Variants in RNF214 observed in about 807,000 individuals in gnomAD.
The protein encoded by RNF214 is ring finger protein 214.
RNF214 carries 25 observed loss-of-function variants against 75.9 expected under a neutral mutation model. The observed-to-expected ratio is 0.33, with a 90% confidence interval of 0.24 to 0.46. RNF214 has a LOEUF of 0.46. RNF214 is among the 20% of genes least tolerant of loss of function. The pLI is 1.00. For synonymous variants in RNF214, 314 were observed against 308.8 expected, an observed-to-expected ratio of 1.02 and a Z score of -0.18; for missense variants, 725 against 857.5, an observed-to-expected ratio of 0.85 and a Z score of 1.93.
chr11:117,279,967 A>G lies in RNF214; in HGVS notation c.1019A>G (p.Asn340Ser). Residue 340 changes from asparagine to serine, a missense_variant, in exon 7 of 15, where the codon AAC (asparagine) becomes AGC (serine). Around this residue, in one of 2 missense-constraint regions of RNF214, gnomAD observed 363 missense variants for 513.0 expected, o/e 0.71. Transcript: ENST00000300650. The stretch of plus-strand genomic sequence containing the variant: ...AATCAGGATGGCGAAATAAATAGGA[A>G]CATTATGGAAGAGACTGAACGGGCC... ...LKNQDGEINR[N>S]IMEETERAWK... 6.2e-7 allele frequency: 1 copy of G among 1,613,612 alleles called. No homozygotes were observed. Among genetic ancestry groups the G allele is most frequent in the Non-Finnish European group, 8.5e-7 (1 of 1,179,846 alleles).
At chr11:117,276,427 T>C (rs1480782519) in intron 6 of RNF214, among the ~76,000 whole-genome samples, 1 of 152,016 alleles carries the variant, frequency 6.6e-6, no homozygotes, top group Non-Finnish European at 1.5e-5. Context: ...TTGGGCAATA[T>C]AGTGGGACTC....
intron 2 of RNF214, among the ~76,000 whole-genome samples, chr11:117,237,790 T>G (rs1457958505): frequency 6.6e-6 from 1 of 152,216 alleles, no homozygotes. Flanking sequence ...GCTTCAATTT[T>G]GGATTCAAAA....
rs767264130 is a variant in RNF214, at chr11:117,283,222, A to C, written c.2046+12A>C. 1 of 1,551,568 alleles carries C rather than the reference A, an allele frequency of 6.4e-7. No individual in the cohort carries two copies. Among genetic ancestry groups the C allele is most frequent in the African/African-American group, 1.4e-5 (1 of 73,456 alleles). ...TATTGCACAAGGAGGTAGGTGTTAC[A>C]GACCTTCCTCATTTTCTACACTTTT... On this transcript the variant is annotated intron_variant, in intron 14 of 14. Coordinates refer to ENST00000300650, the MANE Select transcript of RNF214 (RefSeq NM_207343.4).
In RNF214 at chr11:117,234,513, A is replaced by G. The variant is rs145119749; in HGVS notation, c.107+134A>G. 41 of 595,826 alleles carry G rather than the reference A, an allele frequency of 6.9e-5. No homozygotes were observed. In the East Asian group the frequency reaches 9.0e-4, roughly 13 times the overall value. The allele number at this position is 595,826 out of a possible 1,614,324, so 36.9% of individuals were successfully genotyped here. A position where few individuals can be genotyped will look rare whatever the true frequency, so the allele number is the denominator to read the frequency against. On this transcript the variant is annotated intron_variant, in intron 2 of 14. Coordinates refer to ENST00000300650, the MANE Select transcript of RNF214 (RefSeq NM_207343.4). ...TTAAAGGTACAGGACTGTCTGATCT[A>G]TCTTTGTATTTCTGGTATCCAACAC... is the stretch of plus-strand genomic sequence containing the variant.
chr11:117,262,321 T>G (rs2033684908), intron 6 of RNF214, among the ~76,000 whole-genome samples: 1 of 151,934 alleles, frequency 6.6e-6, no homozygotes, highest in South Asian at 2.1e-4. Context: ...ACTCCTGACT[T>G]GGTGATCTGC....
At chr11:117,265,956 A>G (rs1488090775) in intron 6 of RNF214, among the ~76,000 whole-genome samples, 2 of 152,188 alleles carry the variant, frequency 1.3e-5, no homozygotes, top group African/African-American at 2.4e-5. Flanking sequence ...ACTATAGATT[A>G]CACTTATCTT....
At chr11:117,260,950 G>A (rs375051392) in intron 6 of RNF214, among the ~76,000 whole-genome samples, 1 of 150,572 alleles carries the variant, frequency 6.6e-6, no homozygotes, top group South Asian at 2.1e-4. Flanking sequence ...CACCTCGCCC[G>A]GCCAAGATTT....
intron 6 of RNF214, among the ~76,000 whole-genome samples, chr11:117,249,214 C>T (rs1024029536): frequency 1.7e-4 from 26 of 152,104 alleles, no homozygotes; most frequent in African/African-American, 5.6e-4. Flanking sequence ...TGTGAGCTAC[C>T]GTGCCCAGCC....
chr11:117,245,641 C>T (rs978850763), intron 5 of RNF214, among the ~76,000 whole-genome samples: 4 of 152,098 alleles, frequency 2.6e-5, no homozygotes, highest in African/African-American at 4.8e-5. Context: ...TGCGCCAGAC[C>T]ACTCATAGAC....
intron 6 of RNF214, among the ~76,000 whole-genome samples, chr11:117,273,815 A>G (rs1401526798): frequency 6.6e-6 from 1 of 152,214 alleles, no homozygotes; most frequent in Admixed American, 6.5e-5. Flanking sequence ...TGGAAACTGC[A>G]TTCTTTGGTG....
At position 117,239,837 on chromosome 11, in the gene RNF214, G is replaced by C. The variant is rs760103105; in HGVS notation, c.655G>C (p.Asp219His). 33 of 1,562,334 alleles carry C rather than the reference G, an allele frequency of 2.1e-5. No individual in the cohort carries two copies. The highest frequency in any genetic ancestry group is 1.5e-5 in the Non-Finnish European group (17 of 1,133,382). ...FKTADSEVNT[D>H]QDIEKNLDKM... ...GACAGCTGATTCAGAGGTAAACACA[G>C]ATCAAGATATTGAAAAGAATTTGGT... is the stretch of plus-strand genomic sequence containing the variant. The change falls in exon 4 of 15, where the codon GAT becomes CAT. Residue 219 changes from aspartate to histidine, a missense_variant. Asp to His is a moderately conservative substitution (Grantham distance 81). This residue lies in a region of RNF214 where 362 missense variants were observed against 344.5 expected (regional missense o/e 1.05). Coordinates refer to ENST00000300650, the MANE Select transcript of RNF214 (RefSeq NM_207343.4).
At chr11:117,233,881 TC>T (rs1337622542) in intron 1 of RNF214, among the ~76,000 whole-genome samples, 3 of 152,162 alleles carry the variant, frequency 2.0e-5, no homozygotes, top group Admixed American at 6.5e-5. Flanking sequence ...AAACATGAGA[TC>T]TGATTGATAC....
chr11:117,283,248 T>C, intron 14 of RNF214, 38 bp downstream of exon 14: 5 of 1,314,778 alleles, frequency 3.8e-6, no homozygotes, highest in Non-Finnish European at 5.4e-6. Flanking sequence ...CTACACTTTT[T>C]CTTCTGACAG....
At chr11:117,244,661 T>G (rs1031706200) in intron 5 of RNF214, 76 bp downstream of exon 5, 3 of 957,362 alleles carry the variant, frequency 3.1e-6, no homozygotes, top group Non-Finnish European at 4.3e-6. Context: ...TAAAAAACTT[T>G]ATTTATTTAT....
rs752739424 is a variant in RNF214 at position 117,238,882 on chromosome 11, CAG to C, written c.390_391del (p.Val131HisfsTer5). 1 of 1,614,222 alleles carries C rather than the reference CAG, an allele frequency of 6.2e-7. No homozygotes were observed. The stretch of plus-strand genomic sequence containing the variant: ...ACAAGCCTTCGGGAGAGCCTCCATC[CAG>C]TCACTCGGTCTCTTAAGGCAGGGTG... On this transcript the variant is annotated frameshift_variant, in exon 3 of 15. Coordinates refer to ENST00000300650, the MANE Select transcript of RNF214 (RefSeq NM_207343.4). LOFTEE classifies it high-confidence loss of function.
At chr11:117,274,362 T>TTTTC (rs2033969500) in intron 6 of RNF214, among the ~76,000 whole-genome samples, 1 of 137,626 alleles carries the variant, frequency 7.3e-6, no homozygotes, top group African/African-American at 2.9e-5. Context: ...ACTTCTTTTT[T>TTTTC]TTTTTTTTTT....
intron 6 of RNF214, among the ~76,000 whole-genome samples, chr11:117,267,368 A>G (rs1275025192): frequency 6.6e-6 from 1 of 152,064 alleles, no homozygotes; most frequent in African/African-American, 2.4e-5. Context: ...ATTTAGACCT[A>G]TGATCTATTT....
At chr11:117,243,890 A>T (rs1360879012) in intron 4 of RNF214, among the ~76,000 whole-genome samples, 10 of 152,176 alleles carry the variant, frequency 6.6e-5, no homozygotes, top group Non-Finnish European at 1.5e-4. Context: ...TTTATATGAA[A>T]GCTTGCTGAG....
chr11:117,263,928 C>G, intron 6 of RNF214: 1 of 227,832 alleles, frequency 4.4e-6, no homozygotes, highest in Non-Finnish European at 8.6e-6. Context: ...TAGAATAGAG[C>G]TGTCCCAAGG....
Sources: gnomAD v4.1 joint callset for allele counts (sites outside exome capture counted in the v4.1 genomes callset) on GRCh38, gnomAD v4.1.1 for gene constraint, gnomAD v4.1.1 regional missense constraint, MANE v1.5 for transcripts, NCBI Gene and HGNC (gene_info 2026-07-23, HGNC 2026-07-21) for gene names.